Variants in NDST4 observed in about 807,000 individuals in gnomAD.
The protein encoded by NDST4 is N-heparan sulfate sulfotransferase 4.
Under a neutral mutation model 100.8 loss-of-function variants are expected in NDST4, and 63 were observed. The ratio of observed to expected loss-of-function variants is 0.62; its 90% confidence interval spans 0.51 to 0.77. The LOEUF (loss-of-function observed/expected upper bound fraction) is 0.77. NDST4 is among the 30% of genes least tolerant of loss of function. The pLI is 0.00. For missense variants in NDST4, 943 were observed against 1,018.4 expected, an observed-to-expected ratio of 0.93 and a Z score of 1.01; for synonymous variants, 377 against 361.8, an observed-to-expected ratio of 1.04 and a Z score of -0.48.
chr4:114,983,093 C>A (rs190508060), intron 2 of NDST4, among the ~76,000 whole-genome samples: 120 of 152,304 alleles, frequency 7.9e-4, no homozygotes, highest in African/African-American at 2.8e-3. Flanking sequence ...GATATTCAGG[C>A]AAAATCTGCT....
At chr4:114,917,884 A>C (rs1432646707) in intron 6 of NDST4, among the ~76,000 whole-genome samples, 1 of 152,222 alleles carries the variant, frequency 6.6e-6, no homozygotes, top group Non-Finnish European at 1.5e-5. Flanking sequence ...GAGTTAATGC[A>C]TAGAAAGCAT....
At chr4:114,956,564 G>A (rs1726145687) in intron 4 of NDST4, among the ~76,000 whole-genome samples, 1 of 152,140 alleles carries the variant, frequency 6.6e-6, no homozygotes, top group Non-Finnish European at 1.5e-5. Flanking sequence ...AGTGCCTTTT[G>A]TCAAAAGCAA....
chr4:115,004,683 GAA>G (rs1727374632), intron 2 of NDST4, among the ~76,000 whole-genome samples: 2 of 152,094 alleles, frequency 1.3e-5, no homozygotes, highest in South Asian at 4.1e-4. Context: ...ACATATAATA[GAA>G]AGTTATTCTA....
intron 2 of NDST4, among the ~76,000 whole-genome samples, chr4:115,039,138 TG>T (rs767614288): frequency 3.9e-5 from 6 of 152,032 alleles, no homozygotes; most frequent in Non-Finnish European, 8.8e-5. Context: ...ACAAAATGAG[TG>T]GGTAGGGCCA....
chr4:114,867,737 A>G (rs567484835), intron 7 of NDST4, among the ~76,000 whole-genome samples: 1 of 148,150 alleles, frequency 6.7e-6, no homozygotes, highest in African/African-American at 2.6e-5. Context: ...CTACCAAAAT[A>G]ATAAAGGACA....
At chr4:114,855,852 C>G (rs560079721) in intron 7 of NDST4, among the ~76,000 whole-genome samples, 1 of 152,190 alleles carries the variant, frequency 6.6e-6, no homozygotes, top group East Asian at 1.9e-4. Flanking sequence ...ATACATCTTT[C>G]TTTAATACTA....
intron 1 of NDST4, among the ~76,000 whole-genome samples, chr4:115,077,557 C>A (rs1729214971): frequency 1.3e-5 from 2 of 151,860 alleles, no homozygotes; most frequent in Admixed American, 1.3e-4. Flanking sequence ...TCTAACTAAT[C>A]CCACCAAAAA....
At chr4:115,000,279 A>G (rs1256376283) in intron 2 of NDST4, among the ~76,000 whole-genome samples, 1 of 151,844 alleles carries the variant, frequency 6.6e-6, no homozygotes, top group Non-Finnish European at 1.5e-5. Context: ...ATTACAATGT[A>G]AGAAAGTAAA....
rs376966709 is a variant in NDST4 at position 114,937,381 on chromosome 4, A to G, written c.1344T>C (p.Thr448=). The change falls in exon 5 of 14, where the codon ACT becomes ACC. Residue 448 remains threonine, a synonymous_variant. Transcript: ENST00000264363. ...KKVWGIQVTS[T]EEYPHLKPAR... is the part of the protein sequence containing the mutation. ...CAGGTTTCAGATGTGGATATTCTTC[A>G]GTGCTGGTGACTTGAATACCCCAGA... 2 of 1,614,036 alleles carry G rather than the reference A, an allele frequency of 1.2e-6. No homozygotes were observed. The highest frequency in any genetic ancestry group is 1.3e-5 in the African/African-American group (1 of 74,928).
chr4:114,863,459 CA>C (rs922358693), intron 7 of NDST4, among the ~76,000 whole-genome samples: 1 of 152,164 alleles, frequency 6.6e-6, no homozygotes, highest in Non-Finnish European at 1.5e-5. Context: ...ATCTTCCCTC[CA>C]AAAAAGCTAA....
At chr4:114,929,156 C>CTATG (rs1725459222) in intron 6 of NDST4, among the ~76,000 whole-genome samples, 1 of 147,384 alleles carries the variant, frequency 6.8e-6, no homozygotes, top group Non-Finnish European at 1.5e-5. Flanking sequence ...ATCTATCTAT[C>CTATG]TATCTATGTA....
chr4:115,099,412 G>A (rs542117641), intron 1 of NDST4, among the ~76,000 whole-genome samples: 5 of 151,952 alleles, frequency 3.3e-5, no homozygotes, highest in South Asian at 2.1e-4. Context: ...TGCAATAGCC[G>A]TATCTGATAA....
chr4:114,983,961 CTCTT>C (rs1238493917), intron 2 of NDST4, among the ~76,000 whole-genome samples: 1 of 152,082 alleles, frequency 6.6e-6, no homozygotes, highest in East Asian at 1.9e-4. Context: ...TCCCCTTGCA[CTCTT>C]TATTTCTTCC....
intron 1 of NDST4, among the ~76,000 whole-genome samples, chr4:115,107,911 T>C (rs1350172799): frequency 6.6e-6 from 1 of 152,094 alleles, no homozygotes; most frequent in African/African-American, 2.4e-5. Context: ...TGATCAATTT[T>C]AGCATTATTT....
chr4:114,959,633 G>C (rs1376597955), intron 4 of NDST4, among the ~76,000 whole-genome samples: 1 of 152,016 alleles, frequency 6.6e-6, no homozygotes, highest in African/African-American at 2.4e-5. Flanking sequence ...GACAAGATTT[G>C]GGTAGGGACA....
chr4:115,060,661 A>G (rs913142101), intron 2 of NDST4, among the ~76,000 whole-genome samples: 4 of 152,104 alleles, frequency 2.6e-5, no homozygotes, highest in Non-Finnish European at 5.9e-5. Flanking sequence ...TTATTTGGGA[A>G]GACTGTATAA....
chr4:114,829,396 T>C (rs867896318), intron 13 of NDST4, among the ~76,000 whole-genome samples: 1 of 152,160 alleles, frequency 6.6e-6, no homozygotes, highest in African/African-American at 2.4e-5. Context: ...TTCCATTGCT[T>C]AGCCCACTTC....
Position 114,880,225 on chromosome 4 carries a change from A to C in NDST4, c.1537-9275T>G, listed in dbSNP as rs181708412. Among the ~76,000 whole-genome samples, 10 of 152,274 alleles carry C rather than the reference A, an allele frequency of 6.6e-5. 1 individual carries two copies. The highest frequency in any genetic ancestry group is 4.6e-4 in the Admixed American group (7 of 15,276). ...ATGCTCACAACCGTACAGTTGTTGC[A>C]TATATTTGTGTTTTGTTTTCTTTTA... On this transcript the variant is annotated intron_variant, in intron 6 of 13. Coordinates refer to ENST00000264363, the MANE Select transcript of NDST4 (RefSeq NM_022569.3).
intron 3 of NDST4, among the ~76,000 whole-genome samples, chr4:114,972,836 A>G (rs1165382354): frequency 6.6e-6 from 1 of 152,060 alleles, no homozygotes; most frequent in African/African-American, 2.4e-5. Flanking sequence ...CAATTACTCA[A>G]TTTAAAGAAA....
Sources: allele counts gnomAD v4.1 joint callset (sites outside exome capture counted in the v4.1 genomes callset), GRCh38; gene constraint gnomAD v4.1.1; transcripts MANE v1.5; gene names NCBI Gene and HGNC (gene_info 2026-07-23, HGNC 2026-07-21).